WWOX: variants seen among roughly 807,000 people sequenced by gnomAD.
WWOX encodes WW domain-containing oxidoreductase.
WWOX carries 69 observed loss-of-function variants against 46.2 expected under a neutral mutation model. That is an observed-to-expected ratio of 1.49 (90% CI 1.23 to 1.82). The LOEUF (loss-of-function observed/expected upper bound fraction) is 1.82, where lower values mean the gene tolerates loss of function less well. Among genes scored for constraint, WWOX ranks in the 40% most tolerant of loss-of-function variants. The pLI is 0.00. For missense variants in WWOX, 919 were observed against 542.6 expected (o/e 1.69, Z -6.89); for synonymous variants, 359 against 202.6 (o/e 1.77, Z -6.56).
At chr16:78,255,441 C>T (rs1396920333) in intron 5 of WWOX, among the ~76,000 whole-genome samples, 1 of 152,258 alleles carries the variant, frequency 6.6e-6, no homozygotes, top group Non-Finnish European at 1.5e-5. Flanking sequence ...TTTGCGGTTA[C>T]TTCTCTCTTT....
At chr16:78,662,667 G>A (rs1256439300) in intron 8 of WWOX, among the ~76,000 whole-genome samples, 1 of 152,164 alleles carries the variant, frequency 6.6e-6, no homozygotes, top group Non-Finnish European at 1.5e-5. Flanking sequence ...GCTTTCTTTG[G>A]ATGAAGAATT....
chr16:78,822,481 C>T (rs1005190116), intron 8 of WWOX, among the ~76,000 whole-genome samples: 8 of 18,578 alleles, frequency 4.3e-4, no homozygotes, highest in African/African-American at 9.1e-4. Flanking sequence ...GAGACAGAGC[C>T]GAGACTCTGT....
At chr16:78,448,558 C>T (rs1016805675) in intron 8 of WWOX, among the ~76,000 whole-genome samples, 4 of 151,962 alleles carry the variant, frequency 2.6e-5, no homozygotes, top group Admixed American at 6.6e-5. Flanking sequence ...CACACAAAAC[C>T]GAAAGTAGTG....
chr16:79,129,850 G>T (rs940653827), intron 8 of WWOX, among the ~76,000 whole-genome samples: 3 of 152,178 alleles, frequency 2.0e-5, no homozygotes, highest in African/African-American at 4.8e-5. Context: ...GGTCAAATTG[G>T]TGCTGAGCAC....
chr16:78,244,983 G>T (rs1425518607), intron 5 of WWOX, among the ~76,000 whole-genome samples: 1 of 152,112 alleles, frequency 6.6e-6, no homozygotes, highest in East Asian at 1.9e-4. Flanking sequence ...TATTCTTACA[G>T]TAGTTTCAAA....
intron 8 of WWOX, among the ~76,000 whole-genome samples, chr16:79,130,640 G>T (rs1049202988): frequency 6.6e-6 from 1 of 152,172 alleles, no homozygotes; most frequent in African/African-American, 2.4e-5. Context: ...TGATCACTTA[G>T]GAAGCCAAGA....
chr16:78,414,630 A>C (rs1195093275), intron 6 of WWOX, among the ~76,000 whole-genome samples: 1 of 152,196 alleles, frequency 6.6e-6, no homozygotes, highest in Non-Finnish European at 1.5e-5. Context: ...CTTAGGTTCT[A>C]CAACAGTGAT....
At chr16:78,374,612 G>T (rs897414819) in intron 5 of WWOX, among the ~76,000 whole-genome samples, 1 of 139,494 alleles carries the variant, frequency 7.2e-6, no homozygotes, top group South Asian at 2.3e-4. Flanking sequence ...GCAGTGGCGC[G>T]ATCTTGGCTC....
At chr16:78,226,996 C>A (rs1364166261) in intron 5 of WWOX, among the ~76,000 whole-genome samples, 1 of 152,196 alleles carries the variant, frequency 6.6e-6, no homozygotes. Context: ...AGAGGGATTT[C>A]TGTTACCATT....
intron 3 of WWOX, among the ~76,000 whole-genome samples, chr16:78,113,266 G>A (rs888963782): frequency 1.3e-5 from 2 of 152,178 alleles, no homozygotes; most frequent in Non-Finnish European, 2.9e-5. Flanking sequence ...TCATCCAGGG[G>A]ATCCTGATGT....
At chr16:78,414,136 C>T (rs1189399239) in intron 6 of WWOX, among the ~76,000 whole-genome samples, 1 of 151,878 alleles carries the variant, frequency 6.6e-6, no homozygotes, top group Non-Finnish European at 1.5e-5. Context: ...CCTTGTGACC[C>T]CCGCCCCTGC....
At chr16:78,109,916 C>G in intron 3 of WWOX, 81 bp downstream of exon 3, 2 of 1,449,598 alleles carry the variant, frequency 1.4e-6, no homozygotes, top group East Asian at 2.4e-5. Flanking sequence ...TACATAGTAA[C>G]TGTAGAAAAA....
chr16:78,720,159 A>T (rs777600845), intron 8 of WWOX, among the ~76,000 whole-genome samples: 6 of 152,118 alleles, frequency 3.9e-5, no homozygotes, highest in Non-Finnish European at 8.8e-5. Flanking sequence ...CTAATTTTAA[A>T]TGGTGAGTGT....
Position 78,191,184 on chromosome 16 carries a change from C to T in WWOX, c.516+26895C>T, listed in dbSNP as rs919048709. Among the ~76,000 whole-genome samples, 46 of 152,154 alleles carry T rather than the reference C, an allele frequency of 3.0e-4. 1 individual carries two copies. Among genetic ancestry groups the T allele is most frequent in the South Asian group, 2.1e-4 (1 of 4,826 alleles). On this transcript the variant is annotated intron_variant, in intron 5 of 8. Transcript: ENST00000566780. The stretch of plus-strand genomic sequence containing the variant: ...CCCTGGAGCCTCCCAAGGCCAAGCC[C>T]GCCAGCCACACACACCTTTGTGAGA...
At chr16:78,472,925 T>A (rs1412163823) in intron 8 of WWOX, among the ~76,000 whole-genome samples, 2 of 152,092 alleles carry the variant, frequency 1.3e-5, no homozygotes, top group Admixed American at 6.6e-5. Context: ...CAGTCTGTGG[T>A]TTAGCACGGG....
chr16:78,880,736 A>G (rs1289278791), intron 8 of WWOX, among the ~76,000 whole-genome samples: 2 of 152,180 alleles, frequency 1.3e-5, no homozygotes, highest in Admixed American at 6.5e-5. Flanking sequence ...CTATTTTTTG[A>G]CAACACTACC....
intron 8 of WWOX, among the ~76,000 whole-genome samples, chr16:79,109,407 C>T (rs1044882936): frequency 1.4e-4 from 22 of 152,034 alleles, no homozygotes; most frequent in Admixed American, 6.6e-4. Flanking sequence ...GATCAAGTAG[C>T]GGTGATAGGT....
At chr16:78,206,711 G>T (rs2036406953) in intron 5 of WWOX, among the ~76,000 whole-genome samples, 1 of 151,962 alleles carries the variant, frequency 6.6e-6, no homozygotes, top group East Asian at 1.9e-4. Flanking sequence ...TCAGATATTG[G>T]GCTGAATGTC....
intron 8 of WWOX, among the ~76,000 whole-genome samples, chr16:78,442,707 C>T (rs1490730685): frequency 6.6e-6 from 1 of 152,120 alleles, no homozygotes; most frequent in Non-Finnish European, 1.5e-5. Flanking sequence ...GGGCCAGGCA[C>T]AGTGGCTCAT....
Sources: allele counts gnomAD v4.1 joint callset (sites outside exome capture counted in the v4.1 genomes callset), GRCh38; gene constraint gnomAD v4.1.1; transcripts MANE v1.5; gene names NCBI Gene and HGNC (gene_info 2026-07-23, HGNC 2026-07-21).